WNK4: variants seen among roughly 807,000 people sequenced by gnomAD.
The protein encoded by WNK4 is WNK lysine deficient protein kinase 4, also known as serine/threonine-protein kinase WNK4.
Under a neutral mutation model 116.2 loss-of-function variants are expected in WNK4, and 94 were observed. The ratio of observed to expected loss-of-function variants is 0.81; its 90% CI spans 0.68 to 0.96. WNK4 has a LOEUF of 0.96. Among genes scored for constraint, WNK4 ranks in the 40% least tolerant of loss-of-function variants. The probability of loss-of-function intolerance (pLI) is 0.00; values close to 1 mark genes in which losing one functional copy is unlikely to be tolerated. For synonymous variants in WNK4, 655 were observed against 672.7 expected, an observed-to-expected ratio of 0.97 and a Z score of 0.41; for missense variants, 1,542 against 1,650.6, an observed-to-expected ratio of 0.93 and a Z score of 1.14.
Position 42,796,493 on chromosome 17 carries a change from G to T in WNK4, c.3644G>T (p.Arg1215Met), listed in dbSNP as rs568558626. Reference protein sequence around the residue: ...SEPPGPGIMRRNSLSGSSTGS... With the variant: ...SEPPGPGIMRMNSLSGSSTGS... The stretch of plus-strand genomic sequence containing the variant: ...ATCCTGCTCCCAGGCATCATGCGAA[G>T]GAACTCTCTGAGTGGCAGCAGCACC... Residue 1215 changes from arginine (R) to methionine (M), a missense_variant, in exon 18 of 19, where the codon AGG (arginine) becomes ATG (methionine). Around this residue, in one of 7 missense-constraint regions of WNK4, gnomAD observed 148 missense variants for 157.2 expected, o/e 0.94. Transcript: ENST00000246914. 1 of 1,614,054 alleles carries T rather than the reference G, an allele frequency of 6.2e-7. No homozygotes were observed. Among genetic ancestry groups the T allele is most frequent in the South Asian group, 1.1e-5 (1 of 91,080 alleles).
At position 42,795,288 on chromosome 17, in the gene WNK4, C is replaced by T; in HGVS notation, c.2867C>T (p.Pro956Leu). 5.0e-6 allele frequency: 8 copies of T among 1,614,004 alleles called. No homozygotes were observed. Among genetic ancestry groups the T allele is most frequent in the Non-Finnish European group, 2.5e-6 (3 of 1,179,962 alleles). The change falls in exon 14 of 19, where the codon CCT becomes CTT. Residue 956 changes from proline (P) to leucine (L), a missense_variant. Pro to Leu is a moderately conservative substitution (Grantham distance 98). Transcript: ENST00000246914. ...PGLLSQSPPA[P>L]PSPLPSLPLP... is the part of the protein sequence containing the mutation. Reference sequence around the variant, plus strand: ...CTCCTTTCCCAGTCTCCTCCAGCCCCTCCTAGTCCCCTCCCTAGCCTGCCC... The same window carrying T: ...CTCCTTTCCCAGTCTCCTCCAGCCCTTCCTAGTCCCCTCCCTAGCCTGCCC...
At position 42,796,739 on chromosome 17, in the gene WNK4, C is replaced by T. The variant is rs2054680789; in HGVS notation, c.*51C>T. On this transcript the variant is annotated 3_prime_UTR_variant, in exon 19 of 19. Transcript: ENST00000246914. Reference sequence around the variant, plus strand: ...CCCCACACCAGGGCCCACCATGGAGCTTGTGTTCTCAGAATCTGATGCTTT... The same window carrying T: ...CCCCACACCAGGGCCCACCATGGAGTTTGTGTTCTCAGAATCTGATGCTTT... 6.2e-7 allele frequency: 1 copy of T among 1,614,066 alleles called. No homozygotes were observed. Among genetic ancestry groups the T allele is most frequent in the Non-Finnish European group, 8.5e-7 (1 of 1,180,028 alleles).
chr17:42,793,668 A>T lies in WNK4; in HGVS notation c.2234A>T (p.Glu745Val), dbSNP rs755622747. The change falls in exon 12 of 19, where the codon GAG becomes GTG. Residue 745 changes from glutamate (E) to valine (V), a missense_variant. Glu to Val is a moderately radical substitution (Grantham distance 121). Around this residue, in one of 7 missense-constraint regions of WNK4, gnomAD observed 808 missense variants for 873.6 expected, o/e 0.92. Transcript: ENST00000246914. ...RRIREIIQRV[E>V]TLLKRDTGPM... ...ATTCGGGAGATTATCCAGCGAGTGG[A>T]GACCCTGTTGAAGAGAGACACTGGC... is the stretch of plus-strand genomic sequence containing the variant. 1.9e-6 allele frequency: 3 copies of T among 1,614,080 alleles called. No individual in the cohort carries two copies. In the Admixed American group the frequency reaches 5.0e-5, roughly 27 times the overall value.
At chr17:42,788,105 C>G (rs1212891707) in intron 8 of WNK4, 25 bp from the exon 9 acceptor site, 1 of 1,613,898 alleles carries the variant, frequency 6.2e-7, no homozygotes, top group East Asian at 2.2e-5. Context: ...TTCCCCTGAC[C>G]TCATGAACCC....
At chr17:42,789,665 AAAATAAATAAATAAATAAAT>A (rs3138622) in intron 11 of WNK4, among the ~76,000 whole-genome samples, 13 of 143,060 alleles carry the variant, frequency 9.1e-5, no homozygotes, top group African/African-American at 1.4e-4. Context: ...ATTCTGTCTA[AAAATAAATAAATAAATAAAT>A]AAATAAATAA....
At position 42,796,212 on chromosome 17, in the gene WNK4, G is replaced by C. The variant is rs1442329290; in HGVS notation, c.3521G>C (p.Gly1174Ala). The C allele has an allele frequency of 1.2e-6, 2 of 1,613,914 alleles. No individual in the cohort carries two copies. The highest frequency in any genetic ancestry group is 2.2e-5 in the South Asian group (2 of 91,082). The change falls in exon 17 of 19, where the codon GGT becomes GCT. Residue 1174 changes from glycine to alanine, a missense_variant. Transcript: ENST00000246914. ...CGGCTGGGGAAGCAGCCCCCACCGG[G>C]TATTGTGGCCCCAGCTGCTATGCTG... is the stretch of plus-strand genomic sequence containing the variant. ...YSRLGKQPPP[G>A]IVAPAAMLSS...
Position 42,787,916 on chromosome 17 carries a change from T to A in WNK4, c.1863+17T>A. 5 of 1,608,300 alleles carry A rather than the reference T, an allele frequency of 3.1e-6. No individual in the cohort carries two copies. The Admixed American group carries it at 5.0e-5, about 16-fold the overall frequency. On this transcript the variant is annotated intron_variant, in intron 8 of 18. Transcript: ENST00000246914. The stretch of plus-strand genomic sequence containing the variant: ...CTGCCCTCGGTGAGAGGGGGTCGCA[T>A]GGGGGGCTCCCAGCCATTCCAAGCC...
rs769877352 is a variant in WNK4, at chr17:42,780,651, C to A, written c.-48C>A. 2 of 1,597,824 alleles carry A rather than the reference C, an allele frequency of 1.3e-6. No homozygotes were observed. ...AGCGAGTCCGTCTGTCAGGCCGCCT[C>A]CTCTCCGGCCGTCTGATTTTCTACC... On this transcript the variant is annotated 5_prime_UTR_variant, in exon 1 of 19. Coordinates refer to ENST00000246914, the MANE Select transcript of WNK4 (RefSeq NM_032387.5).
rs1349310081 is a variant in WNK4 at position 42,796,226 on chromosome 17, G to T, written c.3535G>T (p.Ala1179Ser). The T allele has an allele frequency of 6.2e-7, 1 of 1,613,550 alleles. No individual in the cohort carries two copies. The highest frequency in any genetic ancestry group is 1.7e-5 in the Admixed American group (1 of 60,014). The change falls in exon 17 of 19, where the codon GCT becomes TCT. Residue 1179 changes from alanine (A) to serine (S), a missense_variant. Ala to Ser is a moderately conservative substitution (Grantham distance 99). Around this residue, in one of 7 missense-constraint regions of WNK4, gnomAD observed 148 missense variants for 157.2 expected, o/e 0.94. Transcript: ENST00000246914. ...GCCCCCACCGGGTATTGTGGCCCCA[G>T]CTGCTATGCTGTCCAGCCGCCAGCG... ...KQPPPGIVAP[A>S]AMLSSRQRRL...
At chr17:42,787,101 G>T (rs1568029181) in intron 6 of WNK4, among the ~76,000 whole-genome samples, 177 bp from the exon 7 acceptor site, 1 of 152,314 alleles carries the variant, frequency 6.6e-6, no homozygotes, top group East Asian at 1.9e-4. Context: ...ATCCCACAAG[G>T]TTGTTTGGAG....
chr17:42,794,728 A>G, intron 13 of WNK4, 44 bp from the exon 14 acceptor site: 1 of 1,613,930 alleles, frequency 6.2e-7, no homozygotes, highest in Non-Finnish European at 8.5e-7. Flanking sequence ...TGGGAAGGGC[A>G]TAGGGCATGT....
chr17:42,791,582 T>A (rs1597901479), intron 11 of WNK4, among the ~76,000 whole-genome samples: 1 of 150,442 alleles, frequency 6.6e-6, no homozygotes, highest in African/African-American at 2.5e-5. Flanking sequence ...GAGGTTGCGG[T>A]GAGCCACGGT....
At position 42,796,408 on chromosome 17, in the gene WNK4, C is replaced by T. The variant is rs974677142; in HGVS notation, c.3632-73C>T. The T allele has an allele frequency of 2.0e-5, 32 of 1,613,462 alleles. No individual in the cohort carries two copies. In the African/African-American group the frequency reaches 2.0e-4, roughly 10 times the overall value. On this transcript the variant is annotated intron_variant, in intron 17 of 18. Coordinates refer to ENST00000246914, the MANE Select transcript of WNK4 (RefSeq NM_032387.5). ...TTCTCCAGGCCCTGGGGGTCTGCCC[C>T]GGGGGAATAGACCCCCTCTCCCCAC... is the stretch of plus-strand genomic sequence containing the variant.
At position 42,780,670 on chromosome 17, in the gene WNK4, T is replaced by A; in HGVS notation, c.-29T>A. 1.2e-6 allele frequency: 2 copies of A among 1,602,686 alleles called. No homozygotes were observed. Among genetic ancestry groups the A allele is most frequent in the Non-Finnish European group, 1.7e-6 (2 of 1,179,136 alleles). ...CCGCCTCCTCTCCGGCCGTCTGATT[T>A]TCTACCCTTCGGCGCCCTGCTCTTC... On this transcript the variant is annotated 5_prime_UTR_variant, in exon 1 of 19. Coordinates refer to ENST00000246914, the MANE Select transcript of WNK4 (RefSeq NM_032387.5).
rs1202469604 is a variant in WNK4, at chr17:42,784,590, T to G, written c.1170+11T>G. 1 of 1,613,948 alleles carries G rather than the reference T, an allele frequency of 6.2e-7. No homozygotes were observed. The highest frequency in any genetic ancestry group is 8.5e-7 in the Non-Finnish European group (1 of 1,180,026). On this transcript the variant is annotated intron_variant, in intron 4 of 18. Coordinates refer to ENST00000246914, the MANE Select transcript of WNK4 (RefSeq NM_032387.5). This position sits in a 1 kb window ranked among gnomAD's most constrained non-coding sequence, Gnocchi z 4.4. ...CGCAAGGTCACTTCGGTGAGAGGGATGGGGCTGGCGGGAAAGGCAATTCCA... is the reference window on the plus strand; with the variant it reads ...CGCAAGGTCACTTCGGTGAGAGGGAGGGGGCTGGCGGGAAAGGCAATTCCA...
At chr17:42,787,183 T>G in intron 6 of WNK4, 95 bp from the exon 7 acceptor site, 1 of 1,564,052 alleles carries the variant, frequency 6.4e-7, no homozygotes. Flanking sequence ...GTTGGTTTTC[T>G]TCCTCCCATA....
chr17:42,788,148 C>A lies in WNK4; in HGVS notation c.1882C>A (p.Pro628Thr). ...GTTTCAGGCTTTTGCCCTATCCATT[C>A]CACGTTCTGGCCCTGGAAGTGACTT... ...CLPSAFALSI[P>T]RSGPGSDFSP... is the part of the protein sequence containing the mutation. Residue 628 changes from proline to threonine, a missense_variant, in exon 9 of 19, where the codon CCA becomes ACA. Coordinates refer to ENST00000246914, the MANE Select transcript of WNK4 (RefSeq NM_032387.5). The A allele has an allele frequency of 1.2e-6, 2 of 1,614,210 alleles. No homozygotes were observed. Among genetic ancestry groups the A allele is most frequent in the Non-Finnish European group, 1.7e-6 (2 of 1,180,048 alleles).
At chr17:42,787,680 C>T in intron 7 of WNK4, 98 bp from the exon 8 acceptor site, 2 of 1,595,548 alleles carry the variant, frequency 1.3e-6, no homozygotes, top group Non-Finnish European at 1.7e-6. Flanking sequence ...AAGGAACTCT[C>T]CCACAGCTCC....
chr17:42,788,346 T>A lies in WNK4; in HGVS notation c.1979T>A (p.Met660Lys). 3 of 1,613,774 alleles carry A rather than the reference T, an allele frequency of 1.9e-6. No homozygotes were observed. The highest frequency in any genetic ancestry group is 2.5e-6 in the Non-Finnish European group (3 of 1,179,986). ...LSDVGEGMGQ[M>K]RRPPGRNLRR... ...GATGTGGGAGAAGGGATGGGACAAA[T>A]GAGGAGACCCCCAGGGAGGAATCTC... is the stretch of plus-strand genomic sequence containing the variant. The change falls in exon 10 of 19, where the codon ATG (methionine) becomes AAG (lysine). Residue 660 changes from methionine (M) to lysine (K), a missense_variant. Physicochemically the swap from Met to Lys is moderately conservative, Grantham distance 95. This residue lies in a region of WNK4 where 808 missense variants were observed against 873.6 expected (regional missense o/e 0.92). Coordinates refer to ENST00000246914, the MANE Select transcript of WNK4 (RefSeq NM_032387.5).
Sources: allele counts gnomAD v4.1 joint callset (sites outside exome capture counted in the v4.1 genomes callset), GRCh38; gene constraint gnomAD v4.1.1; regional missense constraint gnomAD v4.1.1; non-coding constraint Gnocchi (gnomAD v3.1); transcripts MANE v1.5; gene names NCBI Gene and HGNC (gene_info 2026-07-23, HGNC 2026-07-21).